The following SPRY3 variants were observed in gnomAD, a reference collection of about 807,000 sequenced individuals.
SPRY3 encodes the protein protein sprouty homolog 3.
Under a neutral mutation model 20.2 loss-of-function variants are expected in SPRY3, and 15 were observed. The observed-to-expected ratio is 0.74, with a 90% CI of 0.50 to 1.14. The LOEUF (loss-of-function observed/expected upper bound fraction) is 1.14. SPRY3 is among the 50% of genes most tolerant of loss of function. The probability of loss-of-function intolerance (pLI) is 0.00; values close to 1 mark genes in which losing one functional copy is unlikely to be tolerated. For missense variants in SPRY3, 364 were observed against 363.9 expected (o/e 1.00, Z 0.00); for synonymous variants, 143 against 136.5 (o/e 1.05, Z -0.33).
At chrX:155,725,388 G>A (rs1042959067) in intron 2 of SPRY3, among the ~76,000 whole-genome samples, 1 of 152,148 alleles carries the variant, frequency 6.6e-6, no homozygotes, top group African/African-American at 2.4e-5. Context: ...GTTTCAGAAG[G>A]AATGGTACCA....
chrX:155,616,075 A>G lies in SPRY3; in HGVS notation c.-441+3428A>G, dbSNP rs1210938497. Among the ~76,000 whole-genome samples the G allele has an allele frequency of 3.7e-5, 3 of 81,847 alleles. No homozygotes were observed. The East Asian group carries it at 1.2e-3, about 33-fold the overall frequency. 71.1% of individuals were successfully genotyped at this position (81,847 alleles called of 115,157 possible). The stretch of plus-strand genomic sequence containing the variant: ...TTGACTCTATCATTCTTTTACCCCT[A>G]TTTTTCCCTGCACATTTATCTGGGG... On this transcript the variant is annotated intron_variant, in intron 1 of 3. Coordinates refer to ENST00000675360, the Ensembl canonical transcript of SPRY3.
chrX:155,624,993 G>A (rs2067883805), intron 1 of SPRY3, among the ~76,000 whole-genome samples: 1 of 111,686 alleles, frequency 9.0e-6, no homozygotes, highest in Non-Finnish European at 1.9e-5. Flanking sequence ...ACACAGAATA[G>A]TTGAGTCAAT....
In SPRY3 at chrX:155,637,931, C is replaced by T. The variant is rs141228222; in HGVS notation, c.-440-18936C>T. Among the ~76,000 whole-genome samples the T allele has an allele frequency of 2.5e-3, 267 of 108,247 alleles. 6 individuals carry two copies. In the East Asian group the frequency reaches 0.054, roughly 22 times the overall value. 94.0% of individuals were successfully genotyped at this position (108,247 alleles called of 115,157 possible). ...GCAGTGTAAAAGCATGTCCTTTGTT[C>T]CACAGTCCTTACAACAGAAGGAAGT... On this transcript the variant is annotated intron_variant, in intron 1 of 3. Transcript: ENST00000675360.
At chrX:155,693,893 C>T (rs1384698271) in intron 2 of SPRY3, among the ~76,000 whole-genome samples, 2 of 99,695 alleles carry the variant, frequency 2.0e-5, no homozygotes, top group African/African-American at 3.6e-5. Context: ...GCCTCCAACT[C>T]GTGGGCTCAA....
At chrX:155,643,980 TC>T (rs1221502749) in intron 1 of SPRY3, among the ~76,000 whole-genome samples, 1 of 111,586 alleles carries the variant, frequency 9.0e-6, no homozygotes, top group Non-Finnish European at 1.9e-5. Flanking sequence ...TTTTGAACCT[TC>T]CAATGATTTC....
chrX:155,767,222 GC>G (rs1456243736), intron 2 of SPRY3, among the ~76,000 whole-genome samples: 1 of 151,862 alleles, frequency 6.6e-6, no homozygotes, highest in African/African-American at 2.4e-5. Flanking sequence ...CCAACGACAC[GC>G]GGGGGGAGGG....
chrX:155,630,615 T>C (rs2067902921), intron 1 of SPRY3, among the ~76,000 whole-genome samples: 1 of 111,492 alleles, frequency 9.0e-6, no homozygotes, highest in Admixed American at 9.6e-5. Context: ...TGGAACTCCC[T>C]TATATAATAT....
intron 2 of SPRY3, among the ~76,000 whole-genome samples, chrX:155,729,023 C>T (rs1163523816): frequency 1.3e-5 from 2 of 152,004 alleles, no homozygotes; most frequent in South Asian, 2.1e-4. Context: ...GAGGATATAA[C>T]AATTTTAAAT....
At chrX:155,760,560 T>A (rs1376579335) in intron 2 of SPRY3, among the ~76,000 whole-genome samples, 5 of 152,082 alleles carry the variant, frequency 3.3e-5, no homozygotes, top group Non-Finnish European at 7.4e-5. Context: ...AAAGCAGAGA[T>A]CCCTAAACTT....
chrX:155,776,276 G>A (rs1218616990), exon 4 of SPRY3: 2 of 167,136 alleles, frequency 1.2e-5, no homozygotes, highest in East Asian at 3.9e-4. Context: ...GTGTGGAAAA[G>A]AAAAGCTTAA....
chrX:155,681,461 T>C (rs1161993979), intron 2 of SPRY3, among the ~76,000 whole-genome samples: 1 of 112,008 alleles, frequency 8.9e-6, no homozygotes, highest in Non-Finnish European at 1.9e-5. Context: ...AATGGACTAA[T>C]ACAAGTGATA....
At position 155,735,350 on chromosome X, in the gene SPRY3, A is replaced by C. The variant is rs1012536370; in HGVS notation, c.-281-32612A>C. ...TATGTCAATCAGGTCCAGTTAATTAACAGTGCTTTCAGTCCAATTATATCC... is the reference window on the plus strand; with the variant it reads ...TATGTCAATCAGGTCCAGTTAATTACCAGTGCTTTCAGTCCAATTATATCC... On this transcript the variant is annotated intron_variant, in intron 2 of 3. Transcript: ENST00000675360. Among the ~76,000 whole-genome samples the C allele has an allele frequency of 2.0e-5, 3 of 152,182 alleles. No homozygotes were observed. In the South Asian group the frequency reaches 6.2e-4, roughly 32 times the overall value.
intron 2 of SPRY3, among the ~76,000 whole-genome samples, chrX:155,729,705 C>T (rs2091121067): frequency 6.7e-6 from 1 of 150,252 alleles, no homozygotes; most frequent in Admixed American, 6.6e-5. Context: ...AAATAAAGAT[C>T]AGAACAAAAA....
In SPRY3 at chrX:155,686,072, C is replaced by T. The variant is rs55889966; in HGVS notation, c.-282+29047C>T. 6.7e-3 allele frequency among the ~76,000 whole-genome samples: 750 copies of T among 112,099 alleles called. 6 individuals carry two copies. Among genetic ancestry groups the T allele is most frequent in the Non-Finnish European group, 0.011 (608 of 53,144 alleles). On this transcript the variant is annotated intron_variant, in intron 2 of 3. Coordinates refer to ENST00000675360, the Ensembl canonical transcript of SPRY3. ...TATAGGCGTGCACCACTGCACCCGACCATATTCCATTTTTATTTAACTGAT... is the reference window on the plus strand; with the variant it reads ...TATAGGCGTGCACCACTGCACCCGATCATATTCCATTTTTATTTAACTGAT...
At chrX:155,727,417 C>T (rs1387588966) in intron 2 of SPRY3, among the ~76,000 whole-genome samples, 3 of 152,142 alleles carry the variant, frequency 2.0e-5, no homozygotes, top group Non-Finnish European at 2.9e-5. Context: ...TGGTTCCATT[C>T]TCCCCGTCAC....
rs1557348859 is a variant in SPRY3, at chrX:155,616,130, CCT to C, written c.-441+3502_-441+3503del. 4.1e-3 allele frequency among the ~76,000 whole-genome samples: 231 copies of C among 56,955 alleles called. 1 individual carries two copies. The highest frequency in any genetic ancestry group is 0.011 in the African/African-American group (200 of 17,611). 49.5% of individuals were successfully genotyped at this position (56,955 alleles called of 115,157 possible). ...TCTCTCTCTCTCTCTCTCTCTCTCT[CCT>C]CTCTCTCTCTCTCTCTCTTCTCTCT... On this transcript the variant is annotated intron_variant, in intron 1 of 3. Coordinates refer to ENST00000675360, the Ensembl canonical transcript of SPRY3.
chrX:155,655,100 C>A (rs782493497), intron 1 of SPRY3, among the ~76,000 whole-genome samples: 147 of 111,261 alleles, frequency 1.3e-3, no homozygotes, highest in African/African-American at 4.7e-3. Context: ...TTTTAATTTG[C>A]ATTTCTCTGA....
chrX:155,721,483 A>C (rs1037663755), intron 2 of SPRY3, among the ~76,000 whole-genome samples: 3 of 152,100 alleles, frequency 2.0e-5, no homozygotes, highest in African/African-American at 2.4e-5. Context: ...TAACCCAAAG[A>C]AGACTACCTC....
chrX:155,728,369 C>G (rs1286320974), intron 2 of SPRY3, among the ~76,000 whole-genome samples: 1 of 152,216 alleles, frequency 6.6e-6, no homozygotes, highest in African/African-American at 2.4e-5. Flanking sequence ...ACATTTAAGT[C>G]TGCACAAGTT....
Sources: allele counts gnomAD v4.1 joint callset (sites outside exome capture counted in the v4.1 genomes callset), GRCh38; gene constraint gnomAD v4.1.1; transcripts MANE v1.5; gene names NCBI Gene and HGNC (gene_info 2026-07-23, HGNC 2026-07-21).